EPHB1: variants seen among roughly 807,000 people sequenced by gnomAD.
The protein encoded by EPHB1 is EPH receptor B1.
Under a neutral mutation model 94.4 loss-of-function variants are expected in EPHB1, and 30 were observed. The observed-to-expected ratio is 0.32, with a 90% CI of 0.24 to 0.43. EPHB1 has a LOEUF of 0.43. Ranked by LOEUF, EPHB1 falls within the 20% of genes least tolerant of loss-of-function variation. The pLI, the probability that EPHB1 is intolerant of heterozygous loss-of-function variation, is 1.00. For missense variants in EPHB1, 1,055 were observed against 1,308.3 expected, an observed-to-expected ratio of 0.81 and a Z score of 2.99; for synonymous variants, 522 against 489.1, an observed-to-expected ratio of 1.07 and a Z score of -0.89.
chr3:135,240,999 C>T, intron 12 of EPHB1, 149 bp from the exon 13 acceptor site: 1 of 941,310 alleles, frequency 1.1e-6, no homozygotes, highest in South Asian at 1.5e-5. Flanking sequence ...AGCAACATAG[C>T]TTGTGCACGA....
At chr3:135,167,448 G>A (rs1941682075) in intron 9 of EPHB1, among the ~76,000 whole-genome samples, 1 of 152,204 alleles carries the variant, frequency 6.6e-6, no homozygotes, top group African/African-American at 2.4e-5. Context: ...TAAAAAGATA[G>A]CAGAGCCCAA....
At chr3:134,824,778 G>T (rs1344267885) in intron 1 of EPHB1, among the ~76,000 whole-genome samples, 1 of 152,176 alleles carries the variant, frequency 6.6e-6, no homozygotes, top group East Asian at 1.9e-4. Context: ...GATGCATGGA[G>T]AGGCCATGTA....
intron 3 of EPHB1, among the ~76,000 whole-genome samples, chr3:135,079,843 C>T (rs761142901): frequency 3.9e-5 from 6 of 152,092 alleles, no homozygotes; most frequent in Admixed American, 6.5e-5. Context: ...TTCCCTGCCT[C>T]CCTTCACCCC....
intron 3 of EPHB1, among the ~76,000 whole-genome samples, chr3:134,995,557 A>G (rs1934962585): frequency 6.6e-6 from 1 of 152,228 alleles, no homozygotes; most frequent in Non-Finnish European, 1.5e-5. Context: ...GCCATTAGAA[A>G]AGTACAAATT....
intron 3 of EPHB1, among the ~76,000 whole-genome samples, chr3:135,040,147 C>T (rs922312695): frequency 6.6e-6 from 1 of 152,234 alleles, no homozygotes; most frequent in African/African-American, 2.4e-5. Flanking sequence ...TTTAAATCCA[C>T]ACTCTGCCAC....
rs1430084465 is a variant in EPHB1, at chr3:135,154,261, C to A, written c.1407C>A (p.Ile469=). The change falls in exon 6 of 16, where the codon ATC becomes ATA. Residue 469 remains isoleucine (I), a synonymous_variant. Transcript: ENST00000398015. ...QPNGIILDYE[I]RYYEKEHNEF... The stretch of plus-strand genomic sequence containing the variant: ...ATGGCATCATCCTGGACTATGAGAT[C>A]CGGTACTATGAGAAGGTGAGCCAGC... The A allele has an allele frequency of 2.5e-6, 4 of 1,613,964 alleles. No homozygotes were observed. The highest frequency in any genetic ancestry group is 2.5e-6 in the Non-Finnish European group (3 of 1,179,852).
At chr3:134,821,143 C>T (rs1214067685) in intron 1 of EPHB1, among the ~76,000 whole-genome samples, 2 of 152,304 alleles carry the variant, frequency 1.3e-5, no homozygotes, top group East Asian at 3.9e-4. Flanking sequence ...GATGTCCCAG[C>T]CCAAAGGCAT....
chr3:135,200,539 A>G (rs1391160090), intron 11 of EPHB1, among the ~76,000 whole-genome samples: 1 of 152,202 alleles, frequency 6.6e-6, no homozygotes, highest in African/African-American at 2.4e-5. Flanking sequence ...TTGATTTTGG[A>G]AAGAGGAAAA....
chr3:134,877,432 GT>G (rs2037638966), intron 1 of EPHB1, among the ~76,000 whole-genome samples: 1 of 152,132 alleles, frequency 6.6e-6, no homozygotes, highest in East Asian at 1.9e-4. Context: ...CTATCTCTTT[GT>G]TTTTGAACAC....
At chr3:134,853,051 G>A (rs974353834) in intron 1 of EPHB1, among the ~76,000 whole-genome samples, 6 of 152,298 alleles carry the variant, frequency 3.9e-5, no homozygotes, top group East Asian at 1.9e-4. Context: ...AGTGGAGCCC[G>A]AGTCGGGAGG....
intron 10 of EPHB1, among the ~76,000 whole-genome samples, chr3:135,182,112 A>G (rs566362660): frequency 2.0e-5 from 3 of 152,192 alleles, no homozygotes; most frequent in East Asian, 1.9e-4. Flanking sequence ...CAGGGAACCA[A>G]TTTTTCTCCA....
intron 3 of EPHB1, among the ~76,000 whole-genome samples, chr3:135,085,513 C>G (rs1938327481): frequency 6.6e-6 from 1 of 152,250 alleles, no homozygotes; most frequent in African/African-American, 2.4e-5. Flanking sequence ...GTTTACTGCT[C>G]TGAGATTGTA....
rs1452620519 is a variant in EPHB1 at position 135,002,715 on chromosome 3, A to G, written c.805+50663A>G. 2.0e-5 allele frequency among the ~76,000 whole-genome samples: 3 copies of G among 152,156 alleles called. No homozygotes were observed. In the East Asian group the frequency reaches 5.8e-4, roughly 29 times the overall value. ...AGTGTATGTGTGAAGGAATTTATCC[A>G]TTTCTTCTAGATTTTCTAGTTTATT... On this transcript the variant is annotated intron_variant, in intron 3 of 15. Transcript: ENST00000398015.
intron 3 of EPHB1, among the ~76,000 whole-genome samples, chr3:135,061,070 C>T (rs1352856133): frequency 6.6e-6 from 1 of 152,018 alleles, no homozygotes; most frequent in African/African-American, 2.4e-5. Context: ...TCTGGCTTAT[C>T]TCACTTAACA....
intron 12 of EPHB1, among the ~76,000 whole-genome samples, chr3:135,220,896 C>G (rs1222878300): frequency 1.3e-5 from 2 of 152,174 alleles, no homozygotes; most frequent in Non-Finnish European, 2.9e-5. Context: ...CATACTGTCT[C>G]TTAGAGGTGC....
rs377220159 is a variant in EPHB1, at chr3:135,166,061, C to T, written c.1679C>T (p.Ser560Phe). The stretch of plus-strand genomic sequence containing the variant: ...TTCGTTGTGTCCTTGGTGGCCATCT[C>T]TATCGTCTGTAGCAGGTAGGTCCTC... ...VVFVVSLVAI[S>F]IVCSRKRAYS... The change falls in exon 8 of 16, where the codon TCT (serine) becomes TTT (phenylalanine). Residue 560 changes from serine to phenylalanine, a missense_variant. Transcript: ENST00000398015. The T allele has an allele frequency of 1.7e-5, 28 of 1,613,690 alleles. No homozygotes were observed. The highest frequency in any genetic ancestry group is 6.7e-5 in the Admixed American group (4 of 59,994).
intron 4 of EPHB1, among the ~76,000 whole-genome samples, chr3:135,114,978 T>A (rs565817744): frequency 6.6e-6 from 1 of 152,330 alleles, no homozygotes; most frequent in Non-Finnish European, 1.5e-5. Flanking sequence ...AGGTTTACTC[T>A]ATACTCTATA....
chr3:135,219,241 A>C (rs113565665), intron 12 of EPHB1, among the ~76,000 whole-genome samples: 2,416 of 152,214 alleles, frequency 0.016, 61 homozygotes, highest in African/African-American at 0.054. Flanking sequence ...CCCTGGGATC[A>C]GTTGAATTGT....
chr3:134,813,747 G>A (rs1347485023), intron 1 of EPHB1, among the ~76,000 whole-genome samples: 1 of 152,194 alleles, frequency 6.6e-6, no homozygotes, highest in African/African-American at 2.4e-5. Flanking sequence ...CAACACTGGG[G>A]ATGATGTAGG....
Sources: allele counts gnomAD v4.1 joint callset (sites outside exome capture counted in the v4.1 genomes callset), GRCh38; gene constraint gnomAD v4.1.1; transcripts MANE v1.5; gene names NCBI Gene and HGNC (gene_info 2026-07-23, HGNC 2026-07-21).